PTPN2: variants seen among roughly 807,000 people sequenced by gnomAD.
The protein encoded by PTPN2 is tyrosine-protein phosphatase non-receptor type 2.
PTPN2 carries 19 observed loss-of-function variants against 57.3 expected under a neutral mutation model. That is an observed-to-expected ratio of 0.33 (90% CI 0.23 to 0.49). The LOEUF is 0.49. Among genes scored for constraint, PTPN2 ranks in the 20% least tolerant of loss-of-function variants. The pLI, the probability that PTPN2 is intolerant of heterozygous loss-of-function variation, is 0.99. For synonymous variants in PTPN2, 153 were observed against 164.9 expected (o/e 0.93, Z 0.55); for missense variants, 358 against 501.1 (o/e 0.71, Z 2.73).
intron 1 of PTPN2, among the ~76,000 whole-genome samples, chr18:12,878,675 A>G (rs1473155195): frequency 6.6e-6 from 1 of 152,150 alleles, no homozygotes; most frequent in Non-Finnish European, 1.5e-5. Flanking sequence ...TGGTTTCAAA[A>G]AAAGAAAAAT....
intron 7 of PTPN2, among the ~76,000 whole-genome samples, chr18:12,805,070 T>A (rs2041590756): frequency 6.6e-6 from 1 of 152,216 alleles, no homozygotes; most frequent in Non-Finnish European, 1.5e-5. Flanking sequence ...TCAACATATG[T>A]AAATCAATAA....
At chr18:12,883,990 G>A (rs2044767548) in intron 1 of PTPN2, 83 bp downstream of exon 1, 6 of 1,255,626 alleles carry the variant, frequency 4.8e-6, no homozygotes, top group Non-Finnish European at 6.6e-6. Flanking sequence ...GAGAGGCGGG[G>A]GAGGCGGGAG....
intron 3 of PTPN2, 41 bp from the exon 4 acceptor site, chr18:12,831,082 C>A (rs1257328978): frequency 1.4e-6 from 2 of 1,412,922 alleles, no homozygotes; most frequent in Non-Finnish European, 2.0e-6. Flanking sequence ...GGGAAGCAGA[C>A]AGAAAGAGCA....
intron 9 of PTPN2, chr18:12,786,924 T>G (rs2040858299): frequency 6.6e-6 from 1 of 152,222 alleles, no homozygotes. Flanking sequence ...ACTATGGGTG[T>G]TTATTACATG....
chr18:12,799,911 G>A (rs978224151), intron 8 of PTPN2, among the ~76,000 whole-genome samples: 5 of 152,092 alleles, frequency 3.3e-5, no homozygotes, highest in African/African-American at 9.7e-5. Context: ...GATTACAAGC[G>A]TGAGCCACCA....
chr18:12,868,918 G>A (rs2044090370), intron 1 of PTPN2: 1 of 152,126 alleles, frequency 6.6e-6, no homozygotes, highest in Admixed American at 6.5e-5. Flanking sequence ...GCGGGGCCCA[G>A]GCAGGCGGAT....
At chr18:12,877,000 G>A (rs180742108) in intron 1 of PTPN2, among the ~76,000 whole-genome samples, 117 of 152,300 alleles carry the variant, frequency 7.7e-4, no homozygotes, top group African/African-American at 2.6e-3. Flanking sequence ...GTGCTGAAAC[G>A]AGAATCAGAA....
intron 1 of PTPN2, among the ~76,000 whole-genome samples, chr18:12,868,796 C>T (rs2044085138): frequency 6.6e-6 from 1 of 151,232 alleles, no homozygotes; most frequent in Admixed American, 6.6e-5. Flanking sequence ...AGCTACCACA[C>T]CCAGCTCCTG....
intron 1 of PTPN2, among the ~76,000 whole-genome samples, chr18:12,874,213 G>GC (rs1177559349): frequency 2.7e-5 from 4 of 147,998 alleles, no homozygotes; most frequent in Non-Finnish European, 6.0e-5. Context: ...TGGGGGGTCA[G>GC]CCCCCCGCCC....
At chr18:12,874,495 C>A (rs2044405766) in intron 1 of PTPN2, among the ~76,000 whole-genome samples, 1 of 125,798 alleles carries the variant, frequency 7.9e-6, no homozygotes, top group Non-Finnish European at 1.7e-5. Flanking sequence ...AAGTGAGGAG[C>A]CCCTCTGCCC....
intron 2 of PTPN2, among the ~76,000 whole-genome samples, chr18:12,850,257 G>A (rs1318067789): frequency 3.9e-5 from 6 of 152,116 alleles, no homozygotes; most frequent in East Asian, 3.9e-4. Flanking sequence ...TTGGAAGGCC[G>A]AGGCAGGCAG....
chr18:12,799,924 C>G (rs1207258963), intron 8 of PTPN2, among the ~76,000 whole-genome samples: 1 of 152,138 alleles, frequency 6.6e-6, no homozygotes, highest in East Asian at 1.9e-4. Context: ...AGCCACCACG[C>G]CCGGCCTCCT....
At chr18:12,791,763 G>A (rs534123877), downstream of PTPN2, among the ~76,000 whole-genome samples, 3 of 152,116 alleles carry the variant, frequency 2.0e-5, no homozygotes, top group East Asian at 1.9e-4. Flanking sequence ...AAATATATGC[G>A]ACACCACCCA....
At chr18:12,844,008 T>C (rs1291229317) in intron 2 of PTPN2, 2 of 152,230 alleles carry the variant, frequency 1.3e-5, no homozygotes, top group Admixed American at 1.3e-4. Context: ...ATTCTCATCA[T>C]TTCAAGAATG....
intron 8 of PTPN2, among the ~76,000 whole-genome samples, chr18:12,800,233 C>T (rs1280775287): frequency 6.6e-6 from 1 of 152,022 alleles, no homozygotes; most frequent in East Asian, 1.9e-4. Context: ...AGTGATTTAA[C>T]TCACTAGGAT....
At chr18:12,875,712 C>T (rs955543313) in intron 1 of PTPN2, among the ~76,000 whole-genome samples, 18 of 152,170 alleles carry the variant, frequency 1.2e-4, no homozygotes, top group African/African-American at 2.9e-4. Context: ...ATTTTAATTT[C>T]GCGTACCCAG....
chr18:12,845,516 G>A (rs1355750144), intron 2 of PTPN2, among the ~76,000 whole-genome samples: 1 of 152,088 alleles, frequency 6.6e-6, no homozygotes, highest in Non-Finnish European at 1.5e-5. Flanking sequence ...GAATACAATT[G>A]GCTTCTGTAT....
At chr18:12,838,009 T>A (rs1224375677) in intron 2 of PTPN2, among the ~76,000 whole-genome samples, 1 of 152,074 alleles carries the variant, frequency 6.6e-6, no homozygotes, top group Non-Finnish European at 1.5e-5. Flanking sequence ...ATCACTTTTT[T>A]AAAAAACAGT....
intron 2 of PTPN2, among the ~76,000 whole-genome samples, chr18:12,838,889 A>G (rs528469775): frequency 1.3e-5 from 2 of 152,112 alleles, no homozygotes; most frequent in East Asian, 3.9e-4. Context: ...AACACATACA[A>G]AGGAAAAATG....
Sources: gnomAD v4.1 joint callset for allele counts (sites outside exome capture counted in the v4.1 genomes callset) on GRCh38, gnomAD v4.1.1 for gene constraint, MANE v1.5 for transcripts, NCBI Gene and HGNC (gene_info 2026-07-23, HGNC 2026-07-21) for gene names.